WDFY4: variants seen among roughly 807,000 people sequenced by gnomAD.
WDFY4 encodes WD repeat- and FYVE domain-containing protein 4.
Under a neutral mutation model 351.9 loss-of-function variants are expected in WDFY4, and 169 were observed. That is an observed-to-expected ratio of 0.48 (90% confidence interval 0.42 to 0.55). WDFY4 has a LOEUF of 0.55. Among genes scored for constraint, WDFY4 ranks in the 20% least tolerant of loss-of-function variants. The pLI is 0.00. For missense variants in WDFY4, 3,803 were observed against 3,935.6 expected (o/e 0.97, Z 0.90); for synonymous variants, 1,622 against 1,574.6 (o/e 1.03, Z -0.71).
chr10:48,952,456 A>G (rs1384569975), intron 51 of WDFY4, among the ~76,000 whole-genome samples: 2 of 152,230 alleles, frequency 1.3e-5, no homozygotes, highest in African/African-American at 2.4e-5. Flanking sequence ...TTTATCATAC[A>G]GACTTGAGGA....
chr10:48,766,601 A>C (rs1026352001), intron 13 of WDFY4, among the ~76,000 whole-genome samples: 1 of 152,104 alleles, frequency 6.6e-6, no homozygotes, highest in African/African-American at 2.4e-5. Context: ...CTCAAAAAAA[A>C]CCTAAAAACT....
intron 47 of WDFY4, among the ~76,000 whole-genome samples, chr10:48,940,832 G>A (rs1271354673): frequency 6.6e-6 from 1 of 152,058 alleles, no homozygotes; most frequent in Non-Finnish European, 1.5e-5. Context: ...TGAAGGGAGA[G>A]GGGCTCCTCC....
intron 47 of WDFY4, among the ~76,000 whole-genome samples, chr10:48,916,544 C>T (rs1338670878): frequency 6.6e-6 from 1 of 152,164 alleles, no homozygotes; most frequent in Non-Finnish European, 1.5e-5. Context: ...TACCCTACTG[C>T]CACTTGGCTC....
chr10:48,702,034 C>A (rs2063493495), intron 1 of WDFY4, among the ~76,000 whole-genome samples: 1 of 152,194 alleles, frequency 6.6e-6, no homozygotes, highest in Non-Finnish European at 1.5e-5. Context: ...TACTGAAATA[C>A]AATTTACATA....
intron 38 of WDFY4, 70 bp from the exon 39 acceptor site, chr10:48,832,503 G>A: frequency 1.4e-6 from 2 of 1,440,826 alleles, no homozygotes; most frequent in Non-Finnish European, 9.2e-7. Flanking sequence ...CCCTTTGAAA[G>A]CCAAGCTAGC....
In WDFY4 at chr10:48,877,061, C is replaced by T. The variant is rs1047136138; in HGVS notation, c.7029C>T (p.Gly2343=). ...QDELTLREAE[G]EPDEVGVDCT... Reference sequence around the variant, plus strand: ...AACTGACACTGAGGGAGGCTGAGGGCGAGCCGGACGAGGTGGGGGTGGACT... The same window carrying T: ...AACTGACACTGAGGGAGGCTGAGGGTGAGCCGGACGAGGTGGGGGTGGACT... Residue 2343 remains glycine (G), a synonymous_variant, in exon 43 of 62, where the codon GGC becomes GGT. Coordinates refer to ENST00000325239, the MANE Select transcript of WDFY4 (RefSeq NM_001394531.1). The T allele has an allele frequency of 1.2e-5, 18 of 1,512,472 alleles. No homozygotes were observed. Among genetic ancestry groups the T allele is most frequent in the Middle Eastern group, 1.8e-4 (1 of 5,612 alleles). The allele number at this position is 1,512,472 out of a possible 1,614,324, so 93.7% of individuals were successfully genotyped here.
intron 2 of WDFY4, among the ~76,000 whole-genome samples, chr10:48,718,052 G>C (rs777991305): frequency 6.6e-6 from 1 of 152,144 alleles, no homozygotes; most frequent in Non-Finnish European, 1.5e-5. Flanking sequence ...ATTCTCCTAC[G>C]TTTGGTATTG....
chr10:48,729,723 G>T (rs1004199765), intron 8 of WDFY4, 134 bp downstream of exon 8: 1 of 1,218,088 alleles, frequency 8.2e-7, no homozygotes, highest in Admixed American at 2.8e-5. Context: ...AACCTTTGGG[G>T]AGGTTATGAA....
At chr10:48,798,549 A>G (rs767330775) in intron 24 of WDFY4, among the ~76,000 whole-genome samples, 11 of 152,178 alleles carry the variant, frequency 7.2e-5, no homozygotes, top group Non-Finnish European at 1.2e-4. Context: ...GAACAATCTC[A>G]TCGAAAATGT....
chr10:48,738,725 C>A (rs748150866), intron 11 of WDFY4, among the ~76,000 whole-genome samples: 1 of 152,234 alleles, frequency 6.6e-6, no homozygotes, highest in African/African-American at 2.4e-5. Flanking sequence ...AAGTGAATTG[C>A]TTCTCACTGG....
At position 48,982,898 on chromosome 10, in the gene WDFY4, G is replaced by A. The variant is rs764946721; in HGVS notation, c.*323G>A. 36 of 388,682 alleles carry A rather than the reference G, an allele frequency of 9.3e-5. No homozygotes were observed. Among genetic ancestry groups the A allele is most frequent in the Admixed American group, 8.6e-4 (24 of 28,008 alleles). 24.1% of individuals were successfully genotyped at this position (388,682 alleles called of 1,614,324 possible). A position where few individuals can be genotyped will look rare whatever the true frequency, so the allele number is the denominator to read the frequency against. On this transcript the variant is annotated 3_prime_UTR_variant, in exon 62 of 62. Coordinates refer to ENST00000325239, the MANE Select transcript of WDFY4 (RefSeq NM_001394531.1). The stretch of plus-strand genomic sequence containing the variant: ...GCACTGAAAAAAAAAAAGATGGGTC[G>A]CTTACTGGAAATTATTGTATTGTCT...
chr10:48,982,877 T>TAA lies in WDFY4; in HGVS notation c.*302_*303insAA, dbSNP rs757296287. 40 of 240,910 alleles carry TAA rather than the reference T, an allele frequency of 1.7e-4. No individual in the cohort carries two copies. The highest frequency in any genetic ancestry group is 2.3e-4 in the Non-Finnish European group (29 of 125,012). The allele number at this position is 240,910 out of a possible 1,614,324, so 14.9% of individuals were successfully genotyped here. ...CTCACCTTATTAAGGGCTATTGCAC[T>TAA]GAAAAAAAAAAAGATGGGTCGCTTA... is the stretch of plus-strand genomic sequence containing the variant. On this transcript the variant is annotated 3_prime_UTR_variant, in exon 62 of 62. Coordinates refer to ENST00000325239, the MANE Select transcript of WDFY4 (RefSeq NM_001394531.1).
At chr10:48,944,364 C>T (rs1466038376) in intron 49 of WDFY4, among the ~76,000 whole-genome samples, 4 of 152,212 alleles carry the variant, frequency 2.6e-5, no homozygotes, top group African/African-American at 9.7e-5. Flanking sequence ...TGCGCCCCAG[C>T]AGGCAGGGAA....
At chr10:48,916,363 T>C (rs1838531608) in intron 47 of WDFY4, among the ~76,000 whole-genome samples, 1 of 152,068 alleles carries the variant, frequency 6.6e-6, no homozygotes, top group Non-Finnish European at 1.5e-5. Context: ...CTGTTTGGTG[T>C]TCTGTTTTTT....
intron 25 of WDFY4, among the ~76,000 whole-genome samples, chr10:48,804,154 A>G (rs1026771227): frequency 3.3e-5 from 5 of 152,342 alleles, no homozygotes; most frequent in Admixed American, 2.0e-4. Context: ...TCAGAATAAG[A>G]GAGAAGGAAG....
rs115267386 is a variant in WDFY4, at chr10:48,783,842, A to G, written c.3577-2797A>G. On this transcript the variant is annotated intron_variant, in intron 19 of 61. Transcript: ENST00000325239. The stretch of plus-strand genomic sequence containing the variant: ...GTAGGCAACTGTAACACAGTGGTGA[A>G]TATTTGTGTATCTAAACACTCTAAA... 3.0e-3 allele frequency among the ~76,000 whole-genome samples: 457 copies of G among 152,354 alleles called. 2 individuals carry two copies. Among genetic ancestry groups the G allele is most frequent in the African/African-American group, 0.01 (425 of 41,592 alleles).
chr10:48,817,767 T>C (rs2067673191), intron 32 of WDFY4, among the ~76,000 whole-genome samples: 1 of 152,188 alleles, frequency 6.6e-6, no homozygotes, highest in Non-Finnish European at 1.5e-5. Context: ...AGGGCAGTCC[T>C]GGGAGTGCAT....
At chr10:48,915,756 G>A (rs191658368) in intron 47 of WDFY4, among the ~76,000 whole-genome samples, 22 of 152,280 alleles carry the variant, frequency 1.4e-4, no homozygotes, top group African/African-American at 4.3e-4. Context: ...GATCACAGCC[G>A]CCTGGGATAG....
At chr10:48,843,466 T>C (rs2068675542) in intron 39 of WDFY4, among the ~76,000 whole-genome samples, 1 of 152,200 alleles carries the variant, frequency 6.6e-6, no homozygotes. Flanking sequence ...TGACACATGG[T>C]CCTTATATTT....
Sources: allele counts gnomAD v4.1 joint callset (sites outside exome capture counted in the v4.1 genomes callset), GRCh38; gene constraint gnomAD v4.1.1; transcripts MANE v1.5; gene names NCBI Gene and HGNC (gene_info 2026-07-23, HGNC 2026-07-21).